The following NTRK2 variants were observed in gnomAD, a reference collection of about 807,000 sequenced individuals.
The protein encoded by NTRK2 is neurotrophic receptor tyrosine kinase 2.
In NTRK2, 13 loss-of-function variants were observed where a neutral mutation model predicts 94.5. That is an observed-to-expected ratio of 0.14 (90% confidence interval 0.09 to 0.22). The LOEUF (loss-of-function observed/expected upper bound fraction) is 0.22. NTRK2 is among the 10% of genes least tolerant of loss of function. The probability of loss-of-function intolerance (pLI) is 1.00; values close to 1 mark genes in which losing one functional copy is unlikely to be tolerated. For synonymous variants in NTRK2, 372 were observed against 407.4 expected (o/e 0.91, Z 1.05); for missense variants, 639 against 1,071.2 (o/e 0.60, Z 5.63).
chr9:84,955,775 A>G (rs770921330), intron 17 of NTRK2, among the ~76,000 whole-genome samples: 15 of 152,090 alleles, frequency 9.9e-5, no homozygotes, highest in Non-Finnish European at 1.6e-4. Flanking sequence ...TGACAACCCA[A>G]TCCTTCCCTT....
intron 2 of NTRK2, among the ~76,000 whole-genome samples, chr9:84,684,375 A>G (rs1187345): frequency 0.6 from 91,783 of 152,040 alleles, 27,827 homozygotes; most frequent in Admixed American, 0.67. Context: ...TTTCTATAAG[A>G]TGTAAGGAAG....
At chr9:84,732,801 C>T (rs1383731833) in intron 9 of NTRK2, among the ~76,000 whole-genome samples, 12 of 152,162 alleles carry the variant, frequency 7.9e-5, no homozygotes, top group Admixed American at 7.9e-4. Flanking sequence ...ATGTTCAATG[C>T]TGATGTGCCG....
At chr9:84,731,145 A>G (rs1278099913) in intron 9 of NTRK2, among the ~76,000 whole-genome samples, 1 of 152,160 alleles carries the variant, frequency 6.6e-6, no homozygotes, top group East Asian at 1.9e-4. Context: ...AGCTTAGAGC[A>G]GATTTCTGCT....
At chr9:84,952,304 T>C (rs557806535) in intron 16 of NTRK2, among the ~76,000 whole-genome samples, 9 of 152,166 alleles carry the variant, frequency 5.9e-5, no homozygotes, top group Non-Finnish European at 1.3e-4. Context: ...AGAAGGAAAG[T>C]GGTGTGCTAT....
chr9:84,760,642 TTTAAA>T (rs1471806658), intron 12 of NTRK2, among the ~76,000 whole-genome samples: 1 of 152,238 alleles, frequency 6.6e-6, no homozygotes, highest in African/African-American at 2.4e-5. Flanking sequence ...AATTCATCAC[TTTAAA>T]TTATTTTGGG....
At chr9:84,690,342 T>A (rs1187356) in intron 2 of NTRK2, among the ~76,000 whole-genome samples, 88,295 of 151,944 alleles carry the variant, frequency 0.58, 25,844 homozygotes, top group East Asian at 0.65. Context: ...AATTTTCTTC[T>A]TGTGAAATGA....
intron 17 of NTRK2, among the ~76,000 whole-genome samples, chr9:85,006,791 T>G (rs2133465039): frequency 6.6e-6 from 1 of 152,280 alleles, no homozygotes; most frequent in South Asian, 2.1e-4. Context: ...TGTTCCTAAT[T>G]TACAGTTTCA....
intron 17 of NTRK2, among the ~76,000 whole-genome samples, chr9:85,017,479 T>G (rs897057804): frequency 1.3e-5 from 2 of 152,210 alleles, no homozygotes; most frequent in Non-Finnish European, 2.9e-5. Context: ...CCTGAGATCT[T>G]GCTAGATTAA....
In NTRK2 at chr9:84,762,372, G is replaced by C. The variant is rs75971212; in HGVS notation, c.1396+10287G>C. On this transcript the variant is annotated intron_variant, in intron 12 of 18. Transcript: ENST00000277120. ...CTTTTAAGTCAGACTTCATAGCATG[G>C]CTTTGTCATTTTGTTTGAAGTAAAT... is the stretch of plus-strand genomic sequence containing the variant. 9.3e-4 allele frequency among the ~76,000 whole-genome samples: 142 copies of C among 152,266 alleles called. 1 individual carries two copies. In the East Asian group the frequency reaches 0.024, roughly 25 times the overall value.
Position 84,670,710 on chromosome 9 carries a change from C to G in NTRK2, c.-39C>G, listed in dbSNP as rs1454971510. On this transcript the variant is annotated 5_prime_UTR_variant, in exon 2 of 19. Coordinates refer to ENST00000277120, the MANE Select transcript of NTRK2 (RefSeq NM_006180.6). Reference sequence around the variant, plus strand: ...GGGTGGGGGAAAGCGGCCGGTGCAGCGCGGGGACAGGCACTCGGGCTGGCA... The same window carrying G: ...GGGTGGGGGAAAGCGGCCGGTGCAGGGCGGGGACAGGCACTCGGGCTGGCA... 3.8e-6 allele frequency: 6 copies of G among 1,599,980 alleles called. No individual in the cohort carries two copies. The highest frequency in any genetic ancestry group is 1.3e-5 in the African/African-American group (1 of 74,848).
At chr9:84,904,659 T>TCATATTA (rs1351822163) in intron 14 of NTRK2, among the ~76,000 whole-genome samples, 2 of 152,236 alleles carry the variant, frequency 1.3e-5, no homozygotes, top group Non-Finnish European at 2.9e-5. Flanking sequence ...GGTATTTCTG[T>TCATATTA]CATATTACAT....
At chr9:84,813,704 G>T (rs45596934) in intron 12 of NTRK2, 1 of 1,065,910 alleles carries the variant, frequency 9.4e-7, no homozygotes, top group Admixed American at 5.3e-5. Context: ...TCCTACTCCC[G>T]TGTGGCCAGA....
intron 2 of NTRK2, among the ~76,000 whole-genome samples, chr9:84,699,549 T>C (rs1249449246): frequency 6.6e-6 from 1 of 152,164 alleles, no homozygotes; most frequent in African/African-American, 2.4e-5. Context: ...TTTGCTTAAT[T>C]GGCTCATTTT....
At chr9:84,966,521 T>G (rs1825575952) in intron 17 of NTRK2, among the ~76,000 whole-genome samples, 1 of 152,158 alleles carries the variant, frequency 6.6e-6, no homozygotes, top group African/African-American at 2.4e-5. Context: ...AACCTCCACC[T>G]CCCGGGTTCA....
intron 15 of NTRK2, among the ~76,000 whole-genome samples, chr9:84,939,067 AAAAAGAAAAG>A (rs1294554787): frequency 6.9e-6 from 1 of 144,562 alleles, no homozygotes; most frequent in Non-Finnish European, 1.5e-5. Context: ...AAAAAAAAAA[AAAAAGAAAAG>A]AAAAGAAAAA....
chr9:84,734,736 T>C (rs2063132582), intron 9 of NTRK2, among the ~76,000 whole-genome samples: 1 of 152,206 alleles, frequency 6.6e-6, no homozygotes, highest in South Asian at 2.1e-4. Flanking sequence ...CCCTTCACTT[T>C]CTGCCATGAT....
intron 6 of NTRK2, among the ~76,000 whole-genome samples, chr9:84,718,422 A>C (rs181564009): frequency 6.6e-6 from 1 of 152,230 alleles, no homozygotes; most frequent in Admixed American, 6.5e-5. Flanking sequence ...CTTTGTGTGT[A>C]AGCTTTGGTG....
At chr9:84,984,623 G>C (rs1318644060) in intron 17 of NTRK2, among the ~76,000 whole-genome samples, 1 of 152,218 alleles carries the variant, frequency 6.6e-6, no homozygotes, top group African/African-American at 2.4e-5. Flanking sequence ...CTGGCCTGGG[G>C]ACCACAGGCT....
At position 84,942,207 on chromosome 9, in the gene NTRK2, G is replaced by C. The variant is rs373294370; in HGVS notation, c.1765-6255G>C. ...TAGGGATGTTGGGAAGCTACCTATT[G>C]CACTCTCTCTAGTTTCTAAGATTTT... is the stretch of plus-strand genomic sequence containing the variant. On this transcript the variant is annotated intron_variant, in intron 15 of 18. Transcript: ENST00000277120. 7.2e-5 allele frequency among the ~76,000 whole-genome samples: 11 copies of C among 152,066 alleles called. No individual in the cohort carries two copies. The East Asian group carries it at 1.9e-3, about 27-fold the overall frequency.
Sources: allele counts gnomAD v4.1 joint callset (sites outside exome capture counted in the v4.1 genomes callset), GRCh38; gene constraint gnomAD v4.1.1; transcripts MANE v1.5; gene names NCBI Gene and HGNC (gene_info 2026-07-23, HGNC 2026-07-21).